Variants in CPSF7 observed in about 807,000 individuals in gnomAD.
CPSF7 encodes cleavage and polyadenylation specific factor 7.
CPSF7 carries 1 observed loss-of-function variant against 44.3 expected under a neutral mutation model. The observed-to-expected ratio is 0.02, with a 90% CI of 0.01 to 0.11. CPSF7 has a LOEUF of 0.11. CPSF7 is among the 10% of genes least tolerant of loss of function. The pLI, the probability that CPSF7 is intolerant of heterozygous loss-of-function variation, is 1.00. For synonymous variants in CPSF7, 202 were observed against 222.0 expected (o/e 0.91, Z 0.80); for missense variants, 443 against 607.2 (o/e 0.73, Z 2.84).
intron 8 of CPSF7, 97 bp from the exon 9 acceptor site, chr11:61,411,202 C>A (rs1859821540): frequency 1.6e-6 from 2 of 1,242,124 alleles, no homozygotes; most frequent in Admixed American, 2.5e-5. Flanking sequence ...CTAAACTATT[C>A]CTCTATTACT....
Position 61,429,218 on chromosome 11 carries a change from G to A in CPSF7, c.18C>T (p.Asp6=). The A allele has an allele frequency of 2.5e-6, 4 of 1,612,816 alleles. No homozygotes were observed. Among genetic ancestry groups the A allele is most frequent in the Non-Finnish European group, 3.4e-6 (4 of 1,178,926 alleles). Residue 6 remains aspartate, a synonymous_variant, in exon 2 of 10, where the codon GAC becomes GAT. Coordinates refer to ENST00000439958, the MANE Select transcript of CPSF7 (RefSeq NM_001142565.3). MSEGV[D]LIDIYADEEF... Reference sequence around the variant, plus strand: ...CCTCGTCAGCATATATATCAATCAAGTCCACTCCTTCTGACATGGCTCCGG... The same window carrying A: ...CCTCGTCAGCATATATATCAATCAAATCCACTCCTTCTGACATGGCTCCGG...
intron 2 of CPSF7, among the ~76,000 whole-genome samples, chr11:61,425,390 T>C (rs1861257103): frequency 6.6e-6 from 1 of 152,264 alleles, no homozygotes; most frequent in African/African-American, 2.4e-5. Context: ...TTACATGCAC[T>C]GATGTTCAAA....
chr11:61,414,238 G>A (rs995168164), intron 7 of CPSF7, among the ~76,000 whole-genome samples: 21 of 142,490 alleles, frequency 1.5e-4, no homozygotes, highest in East Asian at 6.2e-4. Context: ...CAACCTCCAC[G>A]CCCTGGGTTC....
At chr11:61,426,032 C>A (rs1861308177) in intron 2 of CPSF7, among the ~76,000 whole-genome samples, 1 of 152,218 alleles carries the variant, frequency 6.6e-6, no homozygotes, top group Non-Finnish European at 1.5e-5. Context: ...TTCTCCCTGG[C>A]CCAAGAGAGC....
In CPSF7 at chr11:61,429,961, C is replaced by T. The variant is rs1448755011; in HGVS notation, c.-103G>A. ...GCGAGTCCGGACTAGGCCCGAAGCG[C>T]GCGAACCGCTCTCCGCCCCAGGTCC... On this transcript the variant is annotated 5_prime_UTR_variant, in exon 1 of 10. Transcript: ENST00000439958. 12 of 1,318,296 alleles carry T rather than the reference C, an allele frequency of 9.1e-6. No individual in the cohort carries two copies. Among genetic ancestry groups the T allele is most frequent in the Admixed American group, 2.4e-5 (1 of 41,386 alleles). The allele number at this position is 1,318,296 out of a possible 1,614,324, so 81.7% of individuals were successfully genotyped here.
chr11:61,416,235 C>T lies in CPSF7; in HGVS notation c.808G>A (p.Val270Ile). Residue 270 changes from valine (V) to isoleucine (I), a missense_variant, in exon 6 of 10, where the codon GTA becomes ATA. By Grantham distance (29) the Val-to-Ile change is conservative. Transcript: ENST00000439958. Reference sequence around the variant, plus strand: ...GGTGGGATGGCCCCAGGGGGAGGTACAGCAAGATGAGGAGGTAATCGAGGA... The same window carrying T: ...GGTGGGATGGCCCCAGGGGGAGGTATAGCAAGATGAGGAGGTAATCGAGGA... ...PPPRLPPHLA[V>I]PPPGAIPPAL... 2 of 1,531,380 alleles carry T rather than the reference C, an allele frequency of 1.3e-6. No homozygotes were observed. The highest frequency in any genetic ancestry group is 1.8e-6 in the Non-Finnish European group (2 of 1,141,656). The allele number at this position is 1,531,380 out of a possible 1,614,324, so 94.9% of individuals were successfully genotyped here.
At chr11:61,410,362 G>A (rs1488567305) in intron 9 of CPSF7, among the ~76,000 whole-genome samples, 2 of 152,208 alleles carry the variant, frequency 1.3e-5, no homozygotes, top group Non-Finnish European at 2.9e-5. Context: ...GGGATCATAG[G>A]TGTGAGCCAT....
intron 7 of CPSF7, 123 bp from the exon 8 acceptor site, chr11:61,412,060 A>C (rs1859902876): frequency 1.3e-6 from 1 of 746,266 alleles, no homozygotes; most frequent in African/African-American, 1.7e-5. Flanking sequence ...CCGCGGTAAA[A>C]GAGACAAGGC....
At chr11:61,415,891 C>A in intron 6 of CPSF7, 107 bp from the exon 7 acceptor site, 2 of 913,410 alleles carry the variant, frequency 2.2e-6, no homozygotes, top group South Asian at 1.5e-5. Flanking sequence ...TGCTAGACAT[C>A]TGTAGCATTC....
At chr11:61,420,255 A>T (rs996514491) in intron 4 of CPSF7, among the ~76,000 whole-genome samples, 161 bp from the exon 5 acceptor site, 2 of 152,204 alleles carry the variant, frequency 1.3e-5, no homozygotes, top group African/African-American at 4.8e-5. Context: ...CTAAATCTTT[A>T]TTTTTTTGGA....
chr11:61,411,667 C>T, intron 8 of CPSF7, 102 bp downstream of exon 8: 1 of 1,075,972 alleles, frequency 9.3e-7, no homozygotes. Flanking sequence ...AGACTTTCGG[C>T]CAGGTCTTTC....
intron 2 of CPSF7, chr11:61,427,462 G>C (rs1050750201): frequency 6.6e-6 from 1 of 152,016 alleles, no homozygotes; most frequent in African/African-American, 2.4e-5. Flanking sequence ...AGACCAACCT[G>C]GCCAACATGG....
At chr11:61,410,663 A>T (rs1292310889) in intron 9 of CPSF7, 1 of 278,148 alleles carries the variant, frequency 3.6e-6, no homozygotes, top group Admixed American at 4.8e-5. Flanking sequence ...ATTAGTGGAG[A>T]AACTGGGATT....
chr11:61,403,789 T>G lies in CPSF7; in HGVS notation c.*921A>C, dbSNP rs1371007981. The G allele has an allele frequency of 6.6e-6, 1 of 152,426 alleles. No homozygotes were observed. Among genetic ancestry groups the G allele is most frequent in the African/African-American group, 2.4e-5 (1 of 41,470 alleles). 9.4% of individuals were successfully genotyped at this position (152,426 alleles called of 1,614,324 possible). ...TGGTTACTTCACAAGGGTTCTTCATTGCTGAGGTCCCAATGTCCCCATCTC... is the reference window on the plus strand; with the variant it reads ...TGGTTACTTCACAAGGGTTCTTCATGGCTGAGGTCCCAATGTCCCCATCTC... On this transcript the variant is annotated 3_prime_UTR_variant, in exon 10 of 10. Coordinates refer to ENST00000439958, the MANE Select transcript of CPSF7 (RefSeq NM_001142565.3).
chr11:61,428,928 G>A (rs550493045), intron 2 of CPSF7: 2 of 281,952 alleles, frequency 7.1e-6, no homozygotes, highest in Non-Finnish European at 1.3e-5. Flanking sequence ...AATTCCACAG[G>A]TTGATTCACC....
intron 5 of CPSF7, 149 bp downstream of exon 5, chr11:61,419,800 C>T: frequency 1.1e-6 from 1 of 919,194 alleles, no homozygotes; most frequent in East Asian, 2.4e-5. Context: ...TACTTGTCGA[C>T]CATGACACCA....
At chr11:61,406,431 C>T (rs915161224) in intron 9 of CPSF7, among the ~76,000 whole-genome samples, 5 of 152,200 alleles carry the variant, frequency 3.3e-5, no homozygotes, top group African/African-American at 1.2e-4. Context: ...CATGAAACTT[C>T]CTAAGCCATA....
chr11:61,429,861 G>A (rs775249719), intron 1 of CPSF7, 53 bp downstream of exon 1: 57 of 1,539,366 alleles, frequency 3.7e-5, no homozygotes, highest in Non-Finnish European at 4.7e-5. Flanking sequence ...CCTCAGTGCC[G>A]GCCCGGACCC....
At chr11:61,414,240 C>A (rs944449423) in intron 7 of CPSF7, among the ~76,000 whole-genome samples, 2 of 151,672 alleles carry the variant, frequency 1.3e-5, no homozygotes, top group Admixed American at 6.6e-5. Context: ...ACCTCCACGC[C>A]CTGGGTTCAA....
Sources: allele counts gnomAD v4.1 joint callset (sites outside exome capture counted in the v4.1 genomes callset), GRCh38; gene constraint gnomAD v4.1.1; transcripts MANE v1.5; gene names NCBI Gene and HGNC (gene_info 2026-07-23, HGNC 2026-07-21).